LRRC20: variants seen among roughly 807,000 people sequenced by gnomAD.
The protein encoded by LRRC20 is leucine-rich repeat-containing protein 20.
A neutral mutation model predicts 14.4 loss-of-function variants in LRRC20; 11 were observed. The ratio of observed to expected loss-of-function variants is 0.77; its 90% confidence interval spans 0.48 to 1.27. The LOEUF (loss-of-function observed/expected upper bound fraction) is 1.27. LRRC20 is among the 50% of genes most tolerant of loss of function. LRRC20 has a pLI of 0.00. For synonymous variants in LRRC20, 121 were observed against 107.3 expected (o/e 1.13, Z -0.79); for missense variants, 219 against 251.2 (o/e 0.87, Z 0.87).
chr10:70,371,933 G>C (rs1396865286), intron 2 of LRRC20, among the ~76,000 whole-genome samples: 3 of 152,152 alleles, frequency 2.0e-5, no homozygotes, highest in African/African-American at 4.8e-5. Flanking sequence ...CAGGAGCACT[G>C]GGGGAGCATG....
rs182303735 is a variant in LRRC20, at chr10:70,378,170, A to G, written c.-63-1574T>C. ...CAGCAGCATATAACCCCAGTTTAAT[A>G]CTCATGTGAGTCTGAACAAAACACT... On this transcript the variant is annotated intron_variant, in intron 1 of 4. Transcript: ENST00000446961. Among the ~76,000 whole-genome samples, 5 of 152,296 alleles carry G rather than the reference A, an allele frequency of 3.3e-5. No homozygotes were observed. In the East Asian group the frequency reaches 9.6e-4, roughly 29 times the overall value.
At chr10:70,344,277 G>A (rs1843005996) in intron 2 of LRRC20, among the ~76,000 whole-genome samples, 1 of 152,120 alleles carries the variant, frequency 6.6e-6, no homozygotes, top group African/African-American at 2.4e-5. Context: ...AGAAAGCACA[G>A]ACATTGAAAA....
chr10:70,335,767 A>G (rs957624652), intron 3 of LRRC20, among the ~76,000 whole-genome samples: 5 of 152,150 alleles, frequency 3.3e-5, no homozygotes, highest in Non-Finnish European at 7.3e-5. Flanking sequence ...GTCTTCTACC[A>G]TTTTTCTAGT....
chr10:70,314,993 G>A lies in LRRC20; in HGVS notation c.400+8870C>T, dbSNP rs186294986. ...CTGAATAGCTAGGACTCTGCAGCAA[G>A]ACTACTTGGGTTGGAATCCCGGCTC... On this transcript the variant is annotated intron_variant, in intron 4 of 4. Coordinates refer to ENST00000446961, the MANE Select transcript of LRRC20 (RefSeq NM_001278212.2). 5.9e-3 allele frequency among the ~76,000 whole-genome samples: 902 copies of A among 152,344 alleles called. 17 individuals carry two copies. Among genetic ancestry groups the A allele is most frequent in the Admixed American group, 0.045 (687 of 15,300 alleles).
intron 1 of LRRC20, among the ~76,000 whole-genome samples, chr10:70,381,280 A>G (rs1465863854): frequency 1.3e-5 from 2 of 152,248 alleles, no homozygotes; most frequent in Non-Finnish European, 2.9e-5. Flanking sequence ...ACACCAAGGC[A>G]TTACCAGTAG....
At chr10:70,322,986 T>C (rs1161501249) in intron 4 of LRRC20, among the ~76,000 whole-genome samples, 1 of 151,844 alleles carries the variant, frequency 6.6e-6, no homozygotes, top group Non-Finnish European at 1.5e-5. Context: ...CTGCCTCATG[T>C]TGCTTTTAAT....
At chr10:70,347,818 CAA>C (rs35277085) in intron 2 of LRRC20, among the ~76,000 whole-genome samples, 16,476 of 127,782 alleles carry the variant, frequency 0.13, 1,700 homozygotes, top group African/African-American at 0.31. Context: ...GACTCCGTCT[CAA>C]AAAAAAAAAA....
intron 4 of LRRC20, among the ~76,000 whole-genome samples, chr10:70,311,886 T>A (rs1841681289): frequency 6.6e-6 from 1 of 152,146 alleles, no homozygotes; most frequent in Non-Finnish European, 1.5e-5. Context: ...AGAAGCAGAG[T>A]GGGCAGTGTT....
chr10:70,323,025 TAAGA>T (rs1842151578), intron 4 of LRRC20, among the ~76,000 whole-genome samples: 1 of 151,964 alleles, frequency 6.6e-6, no homozygotes, highest in Non-Finnish European at 1.5e-5. Context: ...TAAAAGGGCT[TAAGA>T]AAATGAAAGC....
chr10:70,335,116 G>A (rs1197126932), intron 3 of LRRC20, among the ~76,000 whole-genome samples: 1 of 152,152 alleles, frequency 6.6e-6, no homozygotes, highest in African/African-American at 2.4e-5. Context: ...ATGGCTGGCT[G>A]GCATCTCCCT....
chr10:70,337,089 G>A (rs1327370620), intron 3 of LRRC20, among the ~76,000 whole-genome samples: 1 of 152,208 alleles, frequency 6.6e-6, no homozygotes, highest in African/African-American at 2.4e-5. Context: ...CTTGGGCCTT[G>A]CAGAAGAGTC....
intron 2 of LRRC20, among the ~76,000 whole-genome samples, chr10:70,351,614 T>C (rs1283455061): frequency 3.9e-5 from 6 of 152,124 alleles, no homozygotes; most frequent in Non-Finnish European, 8.8e-5. Flanking sequence ...AAAATACACA[T>C]AACAAAAATT....
chr10:70,375,579 C>G (rs1433323087), intron 2 of LRRC20, among the ~76,000 whole-genome samples: 1 of 152,082 alleles, frequency 6.6e-6, no homozygotes, highest in Non-Finnish European at 1.5e-5. Context: ...GACAGACACA[C>G]ACACACACAC....
At chr10:70,363,730 C>T (rs1038360712) in intron 2 of LRRC20, among the ~76,000 whole-genome samples, 2 of 152,182 alleles carry the variant, frequency 1.3e-5, no homozygotes, top group African/African-American at 4.8e-5. Context: ...GAAAGCCCTC[C>T]CCAGGGGGCA....
intron 2 of LRRC20, among the ~76,000 whole-genome samples, chr10:70,343,184 C>T (rs1037721827): frequency 5.9e-5 from 9 of 152,152 alleles, no homozygotes; most frequent in Non-Finnish European, 8.8e-5. Context: ...CAAGCTGAGC[C>T]TCATATAATG....
chr10:70,343,349 G>GA (rs1842979041), intron 2 of LRRC20, among the ~76,000 whole-genome samples: 1 of 152,170 alleles, frequency 6.6e-6, no homozygotes, highest in South Asian at 2.1e-4. Context: ...GTTTTGGGGG[G>GA]GAAAAGGGAC....
At chr10:70,366,523 A>G (rs1844007523) in intron 2 of LRRC20, among the ~76,000 whole-genome samples, 1 of 152,308 alleles carries the variant, frequency 6.6e-6, no homozygotes, top group Middle Eastern at 3.4e-3. Flanking sequence ...TCTTAATACT[A>G]TAAAAAAAGA....
At chr10:70,306,962 G>A (rs933696775) in intron 4 of LRRC20, among the ~76,000 whole-genome samples, 1 of 152,160 alleles carries the variant, frequency 6.6e-6, no homozygotes. Flanking sequence ...AAATTGTCCA[G>A]ATTTGACCAC....
chr10:70,322,571 G>A (rs1278018398), intron 4 of LRRC20, among the ~76,000 whole-genome samples: 1 of 152,126 alleles, frequency 6.6e-6, no homozygotes, highest in Non-Finnish European at 1.5e-5. Flanking sequence ...ATACTCAGAG[G>A]CCCCAGTGAC....
Sources: allele counts gnomAD v4.1 joint callset (sites outside exome capture counted in the v4.1 genomes callset), GRCh38; gene constraint gnomAD v4.1.1; transcripts MANE v1.5; gene names NCBI Gene and HGNC (gene_info 2026-07-23, HGNC 2026-07-21).